The following AGFG1 variants were observed in gnomAD, a reference collection of about 807,000 sequenced individuals.
AGFG1 encodes arf-GAP domain and FG repeat-containing protein 1.
Under a neutral mutation model 60.6 loss-of-function variants are expected in AGFG1, and 10 were observed. That is an observed-to-expected ratio of 0.16 (90% CI 0.10 to 0.28). The LOEUF (loss-of-function observed/expected upper bound fraction) is 0.28. Among genes scored for constraint, AGFG1 ranks in the 10% least tolerant of loss-of-function variants. The probability of loss-of-function intolerance (pLI) is 1.00; values close to 1 mark genes in which losing one functional copy is unlikely to be tolerated. For missense variants in AGFG1, 537 were observed against 676.5 expected, an observed-to-expected ratio of 0.79 and a Z score of 2.29; for synonymous variants, 247 against 242.9, an observed-to-expected ratio of 1.02 and a Z score of -0.16.
intron 10 of AGFG1, among the ~76,000 whole-genome samples, chr2:227,538,597 A>T (rs1048784014): frequency 6.6e-6 from 1 of 152,210 alleles, no homozygotes; most frequent in Non-Finnish European, 1.5e-5. Context: ...AATGTGAACA[A>T]TATTCTCTTG....
intron 1 of AGFG1, among the ~76,000 whole-genome samples, chr2:227,485,403 ATTTTTTTT>A (rs10718894): frequency 1.5e-5 from 2 of 135,410 alleles, no homozygotes; most frequent in Non-Finnish European, 3.2e-5. Flanking sequence ...TGCCCAGCTA[ATTTTTTTT>A]TTTTTTTTTT....
At chr2:227,483,707 A>G (rs187776035) in intron 1 of AGFG1, among the ~76,000 whole-genome samples, 67 of 151,376 alleles carry the variant, frequency 4.4e-4, no homozygotes, top group African/African-American at 1.5e-3. Flanking sequence ...TTGTTTTTCC[A>G]TTTTCTGTTT....
chr2:227,506,832 T>A (rs1691329235), intron 2 of AGFG1, among the ~76,000 whole-genome samples: 1 of 152,140 alleles, frequency 6.6e-6, no homozygotes, highest in African/African-American at 2.4e-5. Context: ...AAGTCATTTA[T>A]TCCACCTTCT....
chr2:227,493,350 A>C lies in AGFG1; in HGVS notation c.261+1710A>C, dbSNP rs996012714. On this transcript the variant is annotated intron_variant, in intron 2 of 12. Coordinates refer to ENST00000310078, the MANE Select transcript of AGFG1 (RefSeq NM_004504.5). Reference sequence around the variant, plus strand: ...CTTCTGCCCCTGTTGCCCCGATTCTACTCTCTGCTTCTATGGGTTTGACTA... The same window carrying C: ...CTTCTGCCCCTGTTGCCCCGATTCTCCTCTCTGCTTCTATGGGTTTGACTA... Among the ~76,000 whole-genome samples, 53 of 152,162 alleles carry C rather than the reference A, an allele frequency of 3.5e-4. 1 individual carries two copies. The highest frequency in any genetic ancestry group is 1.3e-3 in the African/African-American group (53 of 41,522).
intron 10 of AGFG1, among the ~76,000 whole-genome samples, chr2:227,537,277 G>A (rs777083989): frequency 2.6e-5 from 4 of 152,136 alleles, no homozygotes; most frequent in Admixed American, 6.6e-5. Context: ...TCCACAGAAC[G>A]TTTATGACAG....
At chr2:227,502,542 A>G (rs953195221) in intron 2 of AGFG1, among the ~76,000 whole-genome samples, 1 of 151,906 alleles carries the variant, frequency 6.6e-6, no homozygotes, top group Non-Finnish European at 1.5e-5. Flanking sequence ...GCAGATCTGG[A>G]ACTCCTGACC....
intron 10 of AGFG1, among the ~76,000 whole-genome samples, chr2:227,542,814 A>G (rs879676925): frequency 6.6e-5 from 10 of 152,006 alleles, no homozygotes; most frequent in Non-Finnish European, 1.5e-4. Flanking sequence ...GTAGACTGCT[A>G]TTGCCTCAAT....
At chr2:227,548,994 C>T (rs1444755385) in intron 10 of AGFG1, among the ~76,000 whole-genome samples, 1 of 139,804 alleles carries the variant, frequency 7.2e-6, no homozygotes, top group Non-Finnish European at 1.5e-5. Flanking sequence ...TTCACAGGCC[C>T]TTCTCCCTCA....
At position 227,554,702 on chromosome 2, in the gene AGFG1, G is replaced by C. The variant is rs1362502476; in HGVS notation, c.*207G>C. 1 of 465,576 alleles carries C rather than the reference G, an allele frequency of 2.1e-6. No individual in the cohort carries two copies. The highest frequency in any genetic ancestry group is 2.0e-5 in the African/African-American group (1 of 50,788). The allele number at this position is 465,576 out of a possible 1,614,324, so 28.8% of individuals were successfully genotyped here. A position where few individuals can be genotyped will look rare whatever the true frequency, so the allele number is the denominator to read the frequency against. On this transcript the variant is annotated 3_prime_UTR_variant, in exon 13 of 13. Transcript: ENST00000310078. ...TCTAACCTGTGAATTGGCAGAAAAG[G>C]GTAGCGGTATCATGTATATTAAAAT... is the stretch of plus-strand genomic sequence containing the variant.
rs977218486 is a variant in AGFG1 at position 227,554,656 on chromosome 2, C to T, written c.*161C>T. The T allele has an allele frequency of 1.4e-5, 8 of 563,436 alleles. No individual in the cohort carries two copies. Among genetic ancestry groups the T allele is most frequent in the Non-Finnish European group, 2.2e-5 (7 of 323,692 alleles). 34.9% of individuals were successfully genotyped at this position (563,436 alleles called of 1,614,324 possible). A position where few individuals can be genotyped will look rare whatever the true frequency, so the allele number is the denominator to read the frequency against. The stretch of plus-strand genomic sequence containing the variant: ...TAAACACCAGGTAATATGTGCAAAA[C>T]CGAGGGCTCCAGTAACACCTTCTAA... On this transcript the variant is annotated 3_prime_UTR_variant, in exon 13 of 13. Coordinates refer to ENST00000310078, the MANE Select transcript of AGFG1 (RefSeq NM_004504.5).
rs566202840 is a variant in AGFG1, at chr2:227,515,753, T to TC, written c.262-4192dup. Among the ~76,000 whole-genome samples, 346 of 152,182 alleles carry TC rather than the reference T, an allele frequency of 2.3e-3. 2 individuals carry two copies. The highest frequency in any genetic ancestry group is 7.7e-3 in the African/African-American group (321 of 41,506). ...TAGTTAGTTCATTCTCTCCCTTTTTTCCCAACCTTGAAACCCCCTTTTTTC... is the reference window on the plus strand; with the variant it reads ...TAGTTAGTTCATTCTCTCCCTTTTTTCCCCAACCTTGAAACCCCCTTTTTTC... On this transcript the variant is annotated intron_variant, in intron 2 of 12. Coordinates refer to ENST00000310078, the MANE Select transcript of AGFG1 (RefSeq NM_004504.5).
chr2:227,528,494 G>T (rs145225028), intron 5 of AGFG1, among the ~76,000 whole-genome samples: 1 of 152,082 alleles, frequency 6.6e-6, no homozygotes, highest in African/African-American at 2.4e-5. Flanking sequence ...CACCTCTTGC[G>T]TTTGAGTGCT....
chr2:227,551,621 T>C (rs1291177491), intron 10 of AGFG1, among the ~76,000 whole-genome samples: 1 of 152,196 alleles, frequency 6.6e-6, no homozygotes, highest in Non-Finnish European at 1.5e-5. Flanking sequence ...CAAAAATGTA[T>C]ACTAGTATAC....
intron 1 of AGFG1, among the ~76,000 whole-genome samples, chr2:227,483,113 T>C (rs577411643): frequency 3.9e-5 from 6 of 152,068 alleles, no homozygotes; most frequent in Admixed American, 2.0e-4. Flanking sequence ...CCAATAGTTA[T>C]GACTAATATG....
At chr2:227,472,619 G>A in intron 1 of AGFG1, 31 bp downstream of exon 1, 8 of 1,549,366 alleles carry the variant, frequency 5.2e-6, no homozygotes, top group Non-Finnish European at 7.0e-6. Flanking sequence ...CGGGTGTCGG[G>A]CCCTTCCCGG....
Position 227,519,971 on chromosome 2 carries a change from A to T in AGFG1, c.285A>T (p.Gly95=). The T allele has an allele frequency of 6.3e-7, 1 of 1,587,274 alleles. No homozygotes were observed. Among genetic ancestry groups the T allele is most frequent in the Non-Finnish European group, 8.5e-7 (1 of 1,171,534 alleles). The change falls in exon 3 of 13, where the codon GGA becomes GGT. Residue 95 remains glycine (G), a synonymous_variant. Transcript: ENST00000310078. Reference sequence around the variant, plus strand: ...AGGTCTGTAAACAGATTTGGCTAGGATTATTTGATGATAGATCTTCAGCAA... The same window carrying T: ...AGGTCTGTAAACAGATTTGGCTAGGTTTATTTGATGATAGATCTTCAGCAA... ...GNEVCKQIWL[G]LFDDRSSAIP...
chr2:227,483,239 AT>A (rs2106158593), intron 1 of AGFG1, among the ~76,000 whole-genome samples: 1 of 152,316 alleles, frequency 6.6e-6, no homozygotes, highest in South Asian at 2.1e-4. Context: ...TCACTGCAGG[AT>A]TTTATTCACT....
intron 3 of AGFG1, among the ~76,000 whole-genome samples, chr2:227,522,446 C>G (rs1691854235): frequency 6.6e-6 from 1 of 152,094 alleles, no homozygotes; most frequent in South Asian, 2.1e-4. Context: ...TACTTGAAAG[C>G]AGTTGTTTGT....
At chr2:227,535,485 A>G (rs774141346) in intron 8 of AGFG1, among the ~76,000 whole-genome samples, 1 of 152,240 alleles carries the variant, frequency 6.6e-6, no homozygotes, top group Non-Finnish European at 1.5e-5. Flanking sequence ...TGTCATCCTC[A>G]TATTTACAAA....
Sources: allele counts gnomAD v4.1 joint callset (sites outside exome capture counted in the v4.1 genomes callset), GRCh38; gene constraint gnomAD v4.1.1; transcripts MANE v1.5; gene names NCBI Gene and HGNC (gene_info 2026-07-23, HGNC 2026-07-21).